RPN1: variants seen among roughly 807,000 people sequenced by gnomAD.
RPN1 encodes dolichyl-diphosphooligosaccharide--protein glycosyltransferase subunit 1.
RPN1 carries 12 observed loss-of-function variants against 55.5 expected under a neutral mutation model. That is an observed-to-expected ratio of 0.22 (90% confidence interval 0.14 to 0.35). The LOEUF is 0.35. Ranked by LOEUF, RPN1 falls within the 10% of genes least tolerant of loss-of-function variation. The pLI, the probability that RPN1 is intolerant of heterozygous loss-of-function variation, is 1.00. For missense variants in RPN1, 679 were observed against 761.3 expected, an observed-to-expected ratio of 0.89 and a Z score of 1.27; for synonymous variants, 317 against 305.9, an observed-to-expected ratio of 1.04 and a Z score of -0.38.
Position 128,632,072 on chromosome 3 carries a change from C to T in RPN1, c.719G>A (p.Gly240Asp). ...CACATTTTCTTCCACAGCAATATTACCCCAGTGAGAGACTTCAATGACTCG... is the reference window on the plus strand; with the variant it reads ...CACATTTTCTTCCACAGCAATATTATCCCAGTGAGAGACTTCAATGACTCG... ...MTRVIEVSHWGNIAVEENVDL... is the reference protein window; with the variant it reads ...MTRVIEVSHWDNIAVEENVDL... Residue 240 changes from glycine to aspartate, a missense_variant, in exon 4 of 10, where the codon GGT becomes GAT. Physicochemically the swap from Gly to Asp is moderately conservative, Grantham distance 94. Around this residue, in one of 3 missense-constraint regions of RPN1, gnomAD observed 352 missense variants for 352.8 expected, o/e 1.00. Transcript: ENST00000296255. The T allele has an allele frequency of 6.2e-7, 1 of 1,614,156 alleles. No homozygotes were observed. The highest frequency in any genetic ancestry group is 8.5e-7 in the Non-Finnish European group (1 of 1,180,034).
chr3:128,625,449 G>C (rs538456359), intron 8 of RPN1, 85 bp downstream of exon 8: 5 of 1,602,592 alleles, frequency 3.1e-6, no homozygotes, highest in Non-Finnish European at 4.3e-6. Context: ...GTCCTGCCCT[G>C]GGCTCACTGT....
chr3:128,646,816 TA>T (rs2069772249), intron 1 of RPN1, among the ~76,000 whole-genome samples: 1 of 148,188 alleles, frequency 6.7e-6, no homozygotes, highest in African/African-American at 2.5e-5. Context: ...CTACTAAAAA[TA>T]AAAAAATTAG....
chr3:128,626,722 G>A lies in RPN1; in HGVS notation c.1136+11C>T. Reference sequence around the variant, plus strand: ...AAATCGGGTGCAAAGGAGAGGAACAGTCACACTCACTTGGCTCCTTCAGGC... The same window carrying A: ...AAATCGGGTGCAAAGGAGAGGAACAATCACACTCACTTGGCTCCTTCAGGC... On this transcript the variant is annotated intron_variant, in intron 6 of 9. Coordinates refer to ENST00000296255, the MANE Select transcript of RPN1 (RefSeq NM_002950.4). 3 of 1,612,540 alleles carry A rather than the reference G, an allele frequency of 1.9e-6. No homozygotes were observed. The highest frequency in any genetic ancestry group is 2.5e-6 in the Non-Finnish European group (3 of 1,178,632).
At chr3:128,625,182 G>A (rs904227433) in intron 8 of RPN1, among the ~76,000 whole-genome samples, 1 of 152,136 alleles carries the variant, frequency 6.6e-6, no homozygotes, top group South Asian at 2.1e-4. Context: ...CACCAAGGGG[G>A]AGGTGGGGAG....
In RPN1 at chr3:128,637,861, G is replaced by C; in HGVS notation, c.571C>G (p.Pro191Ala). ...TCCAGTAGGTCCTCAGAGCGCGTGGGGTTCCCCAGCTTGGTGTAGCTCTCC... is the reference window on the plus strand; with the variant it reads ...TCCAGTAGGTCCTCAGAGCGCGTGGCGTTCCCCAGCTTGGTGTAGCTCTCC... ...NVESYTKLGNPTRSEDLLDYG... is the reference protein window; with the variant it reads ...NVESYTKLGNATRSEDLLDYG... The change falls in exon 3 of 10, where the codon CCC (proline) becomes GCC (alanine). Residue 191 changes from proline (P) to alanine (A), a missense_variant. Pro to Ala is a conservative substitution (Grantham distance 27). Around this residue, in one of 3 missense-constraint regions of RPN1, gnomAD observed 352 missense variants for 352.8 expected, o/e 1.00. Coordinates refer to ENST00000296255, the MANE Select transcript of RPN1 (RefSeq NM_002950.4). 3 of 1,614,070 alleles carry C rather than the reference G, an allele frequency of 1.9e-6. No homozygotes were observed. Among genetic ancestry groups the C allele is most frequent in the Non-Finnish European group, 2.5e-6 (3 of 1,180,042 alleles).
chr3:128,633,491 AG>A (rs1370506861), intron 3 of RPN1, among the ~76,000 whole-genome samples: 1 of 152,116 alleles, frequency 6.6e-6, no homozygotes, highest in East Asian at 1.9e-4. Flanking sequence ...TGGGATTACA[AG>A]CATAAGCCAC....
Position 128,626,771 on chromosome 3 carries a change from A to T in RPN1, c.1098T>A (p.Asp366Glu), listed in dbSNP as rs538574016. ...GCAGGATGATCTTCACAGTCAGAGA[A>T]TCTATCACTTGTTCATCAAACACAT... ...VDHVFDEQVI[D>E]SLTVKIILPE... is the part of the protein sequence containing the mutation. Residue 366 changes from aspartate to glutamate, a missense_variant, in exon 6 of 10, where the codon GAT becomes GAA. Physicochemically the swap from Asp to Glu is conservative, Grantham distance 45. Transcript: ENST00000296255. The T allele has an allele frequency of 6.2e-7, 1 of 1,614,192 alleles. No individual in the cohort carries two copies. The highest frequency in any genetic ancestry group is 8.5e-7 in the Non-Finnish European group (1 of 1,180,032).
intron 8 of RPN1, 144 bp downstream of exon 8, chr3:128,625,390 G>C: frequency 7.7e-7 from 1 of 1,300,312 alleles, no homozygotes; most frequent in Admixed American, 2.1e-5. Flanking sequence ...CAAAAACAAA[G>C]TACCCTTCCG....
chr3:128,622,208 G>T lies in RPN1; in HGVS notation c.1597C>A (p.Leu533Met), dbSNP rs2069565109. Residue 533 changes from leucine to methionine, a missense_variant, in exon 9 of 10, where the codon CTG becomes ATG. Leu to Met is a conservative substitution (Grantham distance 15). This residue lies in a region of RPN1 where 306 missense variants were observed against 360.0 expected (regional missense o/e 0.85). Transcript: ENST00000296255. ...CCCTCTGTCTTCAGCCTGGACTGCA[G>T]CAGTGCAATCTCACTGGTCAAGGCC... ...HKALTSEIALLQSRLKTEGSD... is the reference protein window; with the variant it reads ...HKALTSEIALMQSRLKTEGSD... The T allele has an allele frequency of 6.2e-7, 1 of 1,614,064 alleles. No homozygotes were observed. Among genetic ancestry groups the T allele is most frequent in the Non-Finnish European group, 8.5e-7 (1 of 1,179,856 alleles).
rs1247137310 is a variant in RPN1 at position 128,620,202 on chromosome 3, TTTTC to T, written c.*205_*208del. The T allele has an allele frequency of 5.1e-6, 2 of 389,866 alleles. No homozygotes were observed. The highest frequency in any genetic ancestry group is 9.0e-6 in the Non-Finnish European group (2 of 222,320). The allele number at this position is 389,866 out of a possible 1,614,324, so 24.2% of individuals were successfully genotyped here. A position where few individuals can be genotyped will look rare whatever the true frequency, so the allele number is the denominator to read the frequency against. ...GTTTTTAATGGGAGTTTTTTTAAAG[TTTTC>T]TTTTTTTAAAAAAAAAAAAAAAGAA... is the stretch of plus-strand genomic sequence containing the variant. On this transcript the variant is annotated 3_prime_UTR_variant, in exon 10 of 10. Transcript: ENST00000296255.
intron 8 of RPN1, among the ~76,000 whole-genome samples, chr3:128,624,593 T>C (rs866092873): frequency 3.9e-5 from 6 of 152,066 alleles, no homozygotes; most frequent in Non-Finnish European, 7.4e-5. Flanking sequence ...CTCCCTGCTG[T>C]CTCACAAACA....
At chr3:128,639,084 A>C (rs1486133194) in intron 2 of RPN1, among the ~76,000 whole-genome samples, 1 of 152,254 alleles carries the variant, frequency 6.6e-6, no homozygotes, top group Non-Finnish European at 1.5e-5. Context: ...TATCTATATT[A>C]ACATGGAAAG....
At position 128,621,781 on chromosome 3, in the gene RPN1, C is replaced by A. The variant is rs190093801; in HGVS notation, c.1641+383G>T. On this transcript the variant is annotated intron_variant, in intron 9 of 9. Coordinates refer to ENST00000296255, the MANE Select transcript of RPN1 (RefSeq NM_002950.4). ...GAGGCACAGAAGTTAGGTGACTTGG[C>A]CAGGTTTACAAACTCTGAATCAGAG... Among the ~76,000 whole-genome samples, 5 of 152,268 alleles carry A rather than the reference C, an allele frequency of 3.3e-5. No homozygotes were observed. In the East Asian group the frequency reaches 9.6e-4, roughly 29 times the overall value.
At chr3:128,621,456 T>C (rs2069558637) in intron 9 of RPN1, among the ~76,000 whole-genome samples, 3 of 152,270 alleles carry the variant, frequency 2.0e-5, no homozygotes, top group African/African-American at 7.2e-5. Context: ...ATTGCGCCAC[T>C]ACACTCCAGC....
chr3:128,637,750 G>A (rs1202023539), intron 3 of RPN1, 49 bp downstream of exon 3: 3 of 1,566,834 alleles, frequency 1.9e-6, no homozygotes, highest in African/African-American at 2.7e-5. Flanking sequence ...CACTCTGCAA[G>A]ACATTCTCTG....
At chr3:128,633,788 G>C (rs1349053684) in intron 3 of RPN1, among the ~76,000 whole-genome samples, 1 of 152,024 alleles carries the variant, frequency 6.6e-6, no homozygotes, top group Non-Finnish European at 1.5e-5. Flanking sequence ...TTTGAGACCA[G>C]CCTGGCCAAT....
chr3:128,637,707 A>G, intron 3 of RPN1, 92 bp downstream of exon 3: 9 of 1,335,492 alleles, frequency 6.7e-6, no homozygotes, highest in Non-Finnish European at 9.4e-6. Context: ...GATTTCATCC[A>G]CCCCACACCA....
intron 5 of RPN1, among the ~76,000 whole-genome samples, chr3:128,627,788 A>AG (rs2069610486): frequency 6.6e-6 from 1 of 151,342 alleles, no homozygotes; most frequent in Non-Finnish European, 1.5e-5. Context: ...AAAAAAAAAA[A>AG]GATTAAGTTA....
chr3:128,650,606 T>C lies in RPN1; in HGVS notation c.195A>G (p.Arg65=), dbSNP rs1351443572. ...LAHLGGGSTS[R]ATSFLLALEP... is the part of the protein sequence containing the mutation. ...CCAAAGCCAGCAGGAAAGAGGTAGC[T>C]CGGGACGTGGAGCCGCCGCCCAGGT... Residue 65 remains arginine, a synonymous_variant, in exon 1 of 10, where the codon CGA becomes CGG. Coordinates refer to ENST00000296255, the MANE Select transcript of RPN1 (RefSeq NM_002950.4). The C allele has an allele frequency of 6.5e-7, 1 of 1,550,266 alleles. No homozygotes were observed. The highest frequency in any genetic ancestry group is 2.4e-5 in the East Asian group (1 of 41,016).
Sources: allele counts gnomAD v4.1 joint callset (sites outside exome capture counted in the v4.1 genomes callset), GRCh38; gene constraint gnomAD v4.1.1; regional missense constraint gnomAD v4.1.1; transcripts MANE v1.5; gene names NCBI Gene and HGNC (gene_info 2026-07-23, HGNC 2026-07-21).